CLASP2: variants seen among roughly 807,000 people sequenced by gnomAD.
The protein encoded by CLASP2 is CLIP-associating protein 2.
A neutral mutation model predicts 194.4 loss-of-function variants in CLASP2; 47 were observed. The observed-to-expected ratio is 0.24, with a 90% CI of 0.19 to 0.31. The LOEUF (loss-of-function observed/expected upper bound fraction) is 0.31, where lower values mean the gene tolerates loss of function less well. Ranked by LOEUF, CLASP2 falls within the 10% of genes least tolerant of loss-of-function variation. CLASP2 has a pLI of 1.00. For missense variants in CLASP2, 1,445 were observed against 1,823.6 expected, an observed-to-expected ratio of 0.79 and a Z score of 3.78; for synonymous variants, 619 against 633.5, an observed-to-expected ratio of 0.98 and a Z score of 0.34.
intron 23 of CLASP2, among the ~76,000 whole-genome samples, chr3:33,580,787 G>A (rs1159961481): frequency 3.3e-5 from 5 of 151,940 alleles, no homozygotes; most frequent in Admixed American, 6.6e-5. Flanking sequence ...GGGCCGAGGC[G>A]GGCGGATCAT....
At chr3:33,521,092 T>C (rs1451979754) in intron 34 of CLASP2, among the ~76,000 whole-genome samples, 1 of 152,046 alleles carries the variant, frequency 6.6e-6, no homozygotes, top group Non-Finnish European at 1.5e-5. Flanking sequence ...TTGAATGGAA[T>C]CCTGTTGGTC....
chr3:33,697,082 G>GTAAACAGTCA, intron 1 of CLASP2, 149 bp from the exon 2 acceptor site: 1 of 585,272 alleles, frequency 1.7e-6, no homozygotes, highest in East Asian at 2.9e-5. Flanking sequence ...CAGTCATGAG[G>GTAAACAGTCA]TTAAGCACCC....
chr3:33,671,706 G>A (rs963662765), intron 6 of CLASP2, among the ~76,000 whole-genome samples: 2 of 152,184 alleles, frequency 1.3e-5, no homozygotes, highest in Non-Finnish European at 2.9e-5. Flanking sequence ...AGGGGTGACA[G>A]ATGGCACCTG....
At chr3:33,675,139 G>C (rs1274662821) in intron 6 of CLASP2, among the ~76,000 whole-genome samples, 1 of 152,120 alleles carries the variant, frequency 6.6e-6, no homozygotes, top group Non-Finnish European at 1.5e-5. Context: ...AACCAAAAAA[G>C]AGAACTTTAG....
At chr3:33,635,484 T>A (rs2079966522) in intron 8 of CLASP2, among the ~76,000 whole-genome samples, 1 of 152,136 alleles carries the variant, frequency 6.6e-6, no homozygotes, top group Non-Finnish European at 1.5e-5. Flanking sequence ...GAGGGGCTAC[T>A]TACGCTATCA....
chr3:33,713,206 T>A (rs1362104179), intron 1 of CLASP2, among the ~76,000 whole-genome samples: 1 of 152,120 alleles, frequency 6.6e-6, no homozygotes, highest in African/African-American at 2.4e-5. Flanking sequence ...TCCTTTATAG[T>A]ACAGCTAAGA....
At chr3:33,637,679 G>A (rs557420151) in intron 8 of CLASP2, among the ~76,000 whole-genome samples, 1 of 152,312 alleles carries the variant, frequency 6.6e-6, no homozygotes, top group South Asian at 2.1e-4. Context: ...ATATTTGCAA[G>A]CTGTTGGCCA....
At chr3:33,545,540 AT>A (rs2059023042) in intron 30 of CLASP2, among the ~76,000 whole-genome samples, 1 of 152,200 alleles carries the variant, frequency 6.6e-6, no homozygotes, top group Non-Finnish European at 1.5e-5. Context: ...ATGGAATACT[AT>A]ACAACACAAT....
chr3:33,700,805 G>A (rs768082859), intron 1 of CLASP2, among the ~76,000 whole-genome samples: 20 of 152,230 alleles, frequency 1.3e-4, no homozygotes, highest in South Asian at 4.1e-4. Flanking sequence ...AGCTGAGATC[G>A]CGCCATTGCA....
intron 6 of CLASP2, among the ~76,000 whole-genome samples, chr3:33,674,511 T>C (rs2154339800): frequency 6.6e-6 from 1 of 150,620 alleles, no homozygotes; most frequent in South Asian, 2.1e-4. Context: ...CACCCTAACA[T>C]CACAATTAAA....
intron 27 of CLASP2, among the ~76,000 whole-genome samples, chr3:33,563,542 C>T (rs2062136686): frequency 6.6e-6 from 1 of 152,186 alleles, no homozygotes; most frequent in African/African-American, 2.4e-5. Context: ...ATTTTTGTAA[C>T]AGGCCAGATA....
intron 27 of CLASP2, chr3:33,564,101 T>C: frequency 2.8e-6 from 1 of 358,272 alleles, no homozygotes; most frequent in South Asian, 2.1e-5. Flanking sequence ...GTATTTATGT[T>C]ATTTTCCCAT....
chr3:33,542,362 T>C (rs1378462000), intron 32 of CLASP2, among the ~76,000 whole-genome samples: 3 of 148,402 alleles, frequency 2.0e-5, no homozygotes, highest in African/African-American at 4.9e-5. Context: ...GAATTACATA[T>C]ATATGTAATG....
intron 33 of CLASP2, among the ~76,000 whole-genome samples, chr3:33,537,981 A>G (rs2154138420): frequency 1.3e-5 from 2 of 152,294 alleles, no homozygotes; most frequent in East Asian, 3.9e-4. Flanking sequence ...CTCTGCTAAA[A>G]ATACAACAAA....
intron 34 of CLASP2, among the ~76,000 whole-genome samples, chr3:33,534,554 G>T (rs1002650180): frequency 2.0e-4 from 30 of 152,310 alleles, no homozygotes; most frequent in African/African-American, 7.0e-4. Context: ...GCAACAGAGT[G>T]ACACCCAGTC....
chr3:33,659,485 G>C (rs533772108), intron 7 of CLASP2: 29 of 835,092 alleles, frequency 3.5e-5, no homozygotes, highest in Admixed American at 6.2e-5. Context: ...TTTTAAAAAG[G>C]TTTTCATCCT....
At chr3:33,674,643 A>G (rs182914325) in intron 6 of CLASP2, among the ~76,000 whole-genome samples, 96 of 152,308 alleles carry the variant, frequency 6.3e-4, no homozygotes, top group African/African-American at 2.1e-3. Flanking sequence ...TAATAAATCC[A>G]GGAGCTGGTT....
intron 6 of CLASP2, among the ~76,000 whole-genome samples, chr3:33,668,545 T>C (rs765735059): frequency 1.3e-5 from 2 of 152,228 alleles, no homozygotes; most frequent in Non-Finnish European, 2.9e-5. Flanking sequence ...GGAACAATAG[T>C]CTGAAGAAAG....
chr3:33,499,150 T>A (rs1180883294), intron 38 of CLASP2, among the ~76,000 whole-genome samples: 1 of 152,104 alleles, frequency 6.6e-6, no homozygotes, highest in Non-Finnish European at 1.5e-5. Flanking sequence ...TAGTGAGTTC[T>A]CACAAAATCT....
Sources: gnomAD v4.1 joint callset for allele counts (sites outside exome capture counted in the v4.1 genomes callset) on GRCh38, gnomAD v4.1.1 for gene constraint, MANE v1.5 for transcripts, NCBI Gene and HGNC (gene_info 2026-07-23, HGNC 2026-07-21) for gene names.